Variants in RALYL observed in about 807,000 individuals in gnomAD.
The protein encoded by RALYL is RNA-binding Raly-like protein.
Under a neutral mutation model 35.1 loss-of-function variants are expected in RALYL, and 29 were observed. The ratio of observed to expected loss-of-function variants is 0.83; its 90% CI spans 0.61 to 1.13. The LOEUF is 1.13. Among genes scored for constraint, RALYL ranks in the 50% most tolerant of loss-of-function variants. The pLI is 0.00. For synonymous variants in RALYL, 120 were observed against 127.6 expected (o/e 0.94, Z 0.40); for missense variants, 359 against 360.4 (o/e 1.00, Z 0.03).
intron 1 of RALYL, among the ~76,000 whole-genome samples, chr8:84,524,097 T>A (rs1338743986): frequency 2.6e-5 from 4 of 152,110 alleles, no homozygotes; most frequent in African/African-American, 9.7e-5. Flanking sequence ...CCACACTGAC[T>A]TCCACAATGG....
chr8:84,402,163 A>G (rs2042984548), intron 1 of RALYL, among the ~76,000 whole-genome samples: 1 of 152,110 alleles, frequency 6.6e-6, no homozygotes, highest in South Asian at 2.1e-4. Flanking sequence ...GTTTTGTTTT[A>G]TTTAAATTAT....
rs566089096 is a variant in RALYL, at chr8:84,856,731, A to G, written c.414-5565A>G. Reference sequence around the variant, plus strand: ...CAGGGAACAGATACACTACCAGCCTATAAGAATTATTTGTGGGCCGGGCGC... The same window carrying G: ...CAGGGAACAGATACACTACCAGCCTGTAAGAATTATTTGTGGGCCGGGCGC... On this transcript the variant is annotated intron_variant, in intron 5 of 8. Coordinates refer to ENST00000521268, the MANE Select transcript of RALYL (RefSeq NM_173848.7). Among the ~76,000 whole-genome samples, 10 of 152,326 alleles carry G rather than the reference A, an allele frequency of 6.6e-5. 1 individual carries two copies. The South Asian group carries it at 1.9e-3, about 28-fold the overall frequency.
At chr8:84,624,022 GAA>G (rs1190266142) in intron 2 of RALYL, among the ~76,000 whole-genome samples, 1 of 152,198 alleles carries the variant, frequency 6.6e-6, no homozygotes, top group Non-Finnish European at 1.5e-5. Flanking sequence ...AGTCTTGACA[GAA>G]AAGAGTTGAA....
intron 1 of RALYL, among the ~76,000 whole-genome samples, chr8:84,525,683 T>C (rs142993281): frequency 6.6e-6 from 1 of 152,250 alleles, no homozygotes; most frequent in East Asian, 1.9e-4. Context: ...ATCCCTATAC[T>C]ACATTTTACA....
chr8:84,412,215 A>G lies in RALYL; in HGVS notation c.-23-117084A>G, dbSNP rs558067458. 1.1e-4 allele frequency among the ~76,000 whole-genome samples: 17 copies of G among 152,064 alleles called. 2 individuals carry two copies. The South Asian group carries it at 3.3e-3, about 30-fold the overall frequency. On this transcript the variant is annotated intron_variant, in intron 1 of 8. Coordinates refer to ENST00000521268, the MANE Select transcript of RALYL (RefSeq NM_173848.7). ...TACAAAGATACAAATCAAAGTACAA[A>G]TTATATTAAAAGCTATGAGGAAGTG...
intron 1 of RALYL, 124 bp from the exon 2 acceptor site, chr8:84,529,175 T>C (rs750671202): frequency 5.3e-5 from 48 of 898,784 alleles, no homozygotes; most frequent in Non-Finnish European, 8.0e-5. Flanking sequence ...AAATCATTAA[T>C]ACTTAGGGAT....
At chr8:84,774,244 G>A (rs1232004776) in intron 2 of RALYL, among the ~76,000 whole-genome samples, 1 of 152,028 alleles carries the variant, frequency 6.6e-6, no homozygotes, top group Non-Finnish European at 1.5e-5. Context: ...AAGCATTTTT[G>A]ATTCTCCTCA....
chr8:84,657,287 T>C (rs967770450), intron 2 of RALYL, among the ~76,000 whole-genome samples: 3 of 152,228 alleles, frequency 2.0e-5, no homozygotes, highest in African/African-American at 7.2e-5. Flanking sequence ...GTTTAGTATT[T>C]GTCCATTTAT....
At chr8:84,696,083 T>G (rs1032333235) in intron 2 of RALYL, among the ~76,000 whole-genome samples, 2 of 151,830 alleles carry the variant, frequency 1.3e-5, no homozygotes, top group African/African-American at 4.8e-5. Flanking sequence ...AGTGTCAGTA[T>G]TCCCCAATAA....
intron 1 of RALYL, among the ~76,000 whole-genome samples, chr8:84,527,571 T>C (rs1463940485): frequency 6.6e-6 from 1 of 152,234 alleles, no homozygotes; most frequent in Non-Finnish European, 1.5e-5. Context: ...ATTGTATTAC[T>C]GGTGTTGGCT....
chr8:84,823,280 T>C (rs1432214865), intron 4 of RALYL, among the ~76,000 whole-genome samples: 1 of 152,122 alleles, frequency 6.6e-6, no homozygotes, highest in Non-Finnish European at 1.5e-5. Flanking sequence ...AGTAATCTAA[T>C]GAACAGGACA....
In RALYL at chr8:84,850,006, A is replaced by G; in HGVS notation, c.392A>G (p.Tyr131Cys). Residue 131 changes from tyrosine to cysteine, a missense_variant, in exon 5 of 9, where the codon TAC becomes TGC. Coordinates refer to ENST00000521268, the MANE Select transcript of RALYL (RefSeq NM_173848.7). ...GGTTATGTCTTTGACTATGATTACTACAGAGATGATTTCTACAATCGGTAT... is the reference window on the plus strand; with the variant it reads ...GGTTATGTCTTTGACTATGATTACTGCAGAGATGATTTCTACAATCGGTAT... ...VGGYVFDYDYYRDDFYNRLFD... is the reference protein window; with the variant it reads ...VGGYVFDYDYCRDDFYNRLFD... 1 of 1,489,662 alleles carries G rather than the reference A, an allele frequency of 6.7e-7. No homozygotes were observed. The highest frequency in any genetic ancestry group is 9.0e-7 in the Non-Finnish European group (1 of 1,115,904). The allele number at this position is 1,489,662 out of a possible 1,614,324, so 92.3% of individuals were successfully genotyped here.
intron 4 of RALYL, among the ~76,000 whole-genome samples, chr8:84,826,174 G>A (rs1733545765): frequency 6.6e-6 from 1 of 151,020 alleles, no homozygotes; most frequent in African/African-American, 2.4e-5. Flanking sequence ...AGGGAGGGCA[G>A]AAGTTTGAAA....
chr8:84,823,694 A>T, intron 4 of RALYL, among the ~76,000 whole-genome samples: 2 of 147,028 alleles, frequency 1.4e-5, no homozygotes. Context: ...TTTTCCTCTC[A>T]CTCTCCTTCT....
At chr8:84,362,264 T>C (rs1361420335) in intron 1 of RALYL, among the ~76,000 whole-genome samples, 3 of 152,108 alleles carry the variant, frequency 2.0e-5, no homozygotes, top group African/African-American at 7.2e-5. Context: ...TATGGATCAC[T>C]AGCAGCAGAG....
intron 1 of RALYL, among the ~76,000 whole-genome samples, chr8:84,422,676 G>A (rs1378751294): frequency 1.4e-5 from 2 of 143,568 alleles, no homozygotes; most frequent in African/African-American, 2.6e-5. Context: ...GCTTTCTCTT[G>A]TGGGCATTTA....
At chr8:84,917,704 G>GT (rs1213590433) in intron 8 of RALYL, among the ~76,000 whole-genome samples, 1 of 151,730 alleles carries the variant, frequency 6.6e-6, no homozygotes, top group Non-Finnish European at 1.5e-5. Flanking sequence ...TAATGGAGCA[G>GT]TTTCCTCCAT....
At chr8:84,702,600 C>A (rs1402544904) in intron 2 of RALYL, among the ~76,000 whole-genome samples, 1 of 151,674 alleles carries the variant, frequency 6.6e-6, no homozygotes, top group African/African-American at 2.4e-5. Context: ...CTCTTTCCCT[C>A]TCCCTCCTAT....
At chr8:84,469,280 A>G (rs960923381) in intron 1 of RALYL, among the ~76,000 whole-genome samples, 1 of 151,554 alleles carries the variant, frequency 6.6e-6, no homozygotes, top group African/African-American at 2.4e-5. Flanking sequence ...GGTTTTATCT[A>G]CTTTTGGTCT....
Sources: gnomAD v4.1 joint callset for allele counts (sites outside exome capture counted in the v4.1 genomes callset) on GRCh38, gnomAD v4.1.1 for gene constraint, MANE v1.5 for transcripts, NCBI Gene and HGNC (gene_info 2026-07-23, HGNC 2026-07-21) for gene names.